Variants in ANKRD11 observed in about 807,000 individuals in gnomAD.
The protein encoded by ANKRD11 is ankyrin repeat domain-containing protein 11.
ANKRD11 carries 17 observed loss-of-function variants against 195.7 expected under a neutral mutation model. The ratio of observed to expected loss-of-function variants is 0.09; its 90% confidence interval spans 0.06 to 0.13. The LOEUF is 0.13. ANKRD11 is among the 10% of genes least tolerant of loss of function. ANKRD11 has a pLI of 1.00. For missense variants in ANKRD11, 3,735 were observed against 3,566.1 expected (o/e 1.05, Z -1.21); for synonymous variants, 1,953 against 1,528.1 (o/e 1.28, Z -6.49).
intron 11 of ANKRD11, 48 bp from the exon 12 acceptor site, chr16:89,270,957 T>C: frequency 3.2e-6 from 5 of 1,586,122 alleles, no homozygotes; most frequent in Non-Finnish European, 4.3e-6. Flanking sequence ...CAGAGACCGC[T>C]ACGGGAAGGC....
At chr16:89,304,209 C>T (rs922428789) in intron 4 of ANKRD11, among the ~76,000 whole-genome samples, 5 of 152,236 alleles carry the variant, frequency 3.3e-5, no homozygotes, top group Non-Finnish European at 7.3e-5. Flanking sequence ...GGGAAGGTGT[C>T]ACTGCAGAAG....
chr16:89,427,205 C>A (rs752462220), intron 1 of ANKRD11, among the ~76,000 whole-genome samples: 8 of 152,116 alleles, frequency 5.3e-5, no homozygotes, highest in African/African-American at 1.9e-4. Flanking sequence ...CAAATTTAAC[C>A]AAAGAAGTGT....
Position 89,291,667 on chromosome 16 carries a change from G to C in ANKRD11, c.227-484C>G. 1 of 1,289,702 alleles carries C rather than the reference G, an allele frequency of 7.8e-7. No homozygotes were observed. Among genetic ancestry groups the C allele is most frequent in the African/African-American group, 1.5e-5 (1 of 65,968 alleles). 79.9% of individuals were successfully genotyped at this position (1,289,702 alleles called of 1,614,324 possible). A position where few individuals can be genotyped will look rare whatever the true frequency, so the allele number is the denominator to read the frequency against. ...ACACATCAGTAAATCAAGGCCAACT[G>C]GTCAGTACTGTACCTTTCTTCTTGC... On this transcript the variant is annotated intron_variant, in intron 4 of 12. Transcript: ENST00000301030. This position sits in a 1 kb window ranked among gnomAD's most constrained non-coding sequence, Gnocchi z 5.3.
At chr16:89,412,503 G>A (rs952826526) in intron 2 of ANKRD11, 2 of 152,314 alleles carry the variant, frequency 1.3e-5, no homozygotes, top group Admixed American at 1.3e-4. Flanking sequence ...CCTTCTGGTG[G>A]CAATGATGTA....
chr16:89,298,908 T>A (rs1465708143), intron 4 of ANKRD11: 1 of 152,248 alleles, frequency 6.6e-6, no homozygotes, highest in East Asian at 1.9e-4. Context: ...ACGTGCTTTT[T>A]CTTGAGTGCC....
chr16:89,281,972 T>A lies in ANKRD11; in HGVS notation c.4570A>T (p.Arg1524Trp). The change falls in exon 9 of 13, where the codon AGG becomes TGG. Residue 1524 changes from arginine (R) to tryptophan (W), a missense_variant. Physicochemically the swap from Arg to Trp is moderately radical, Grantham distance 101 (BLOSUM62 -3). Coordinates refer to ENST00000301030, the MANE Select transcript of ANKRD11 (RefSeq NM_013275.6). The surrounding 1 kb of genome is among the most constrained non-coding windows in gnomAD (Gnocchi z 5.5). ...TCCTTCAGTTTGGCATCGCCGAGCC[T>A]CGGGCCCTCGTCCCTGGACTTGTCT... ...LKDKSRDEGPRLGDAKLKEKF... is the reference protein window; with the variant it reads ...LKDKSRDEGPWLGDAKLKEKF... 6.2e-7 allele frequency: 1 copy of A among 1,612,918 alleles called. No homozygotes were observed. Among genetic ancestry groups the A allele is most frequent in the Non-Finnish European group, 8.5e-7 (1 of 1,180,042 alleles).
At chr16:89,459,729 C>A (rs1321871173) in intron 1 of ANKRD11, among the ~76,000 whole-genome samples, 1 of 151,936 alleles carries the variant, frequency 6.6e-6, no homozygotes, top group African/African-American at 2.4e-5. Context: ...GAAGCCTAGG[C>A]AAGAGGATTT....
intron 1 of ANKRD11, among the ~76,000 whole-genome samples, chr16:89,450,330 A>C (rs1246754006): frequency 2.0e-5 from 3 of 152,208 alleles, no homozygotes; most frequent in African/African-American, 4.8e-5. Context: ...GCAAACAAAA[A>C]CATAAGACTC....
chr16:89,405,460 G>C (rs2041867525), intron 2 of ANKRD11, among the ~76,000 whole-genome samples: 1 of 150,478 alleles, frequency 6.6e-6, no homozygotes. Context: ...AACTAGCTGT[G>C]ACTACAGGCA....
In ANKRD11 at chr16:89,284,129, CTTTTT is replaced by C. The variant is rs886039902; in HGVS notation, c.2408_2412del (p.Lys803ArgfsTer5). 3 of 1,608,664 alleles carry C rather than the reference CTTTTT, an allele frequency of 1.9e-6. No individual in the cohort carries two copies. The highest frequency in any genetic ancestry group is 2.5e-6 in the Non-Finnish European group (3 of 1,178,436). Reference sequence around the variant, plus strand: ...GCAGAATCTTCCCTATAAACCTTTTCTTTTTTGAGTTTTTCTTTATCTTCTTTAAA... The same window carrying C: ...GCAGAATCTTCCCTATAAACCTTTTCTGAGTTTTTCTTTATCTTCTTTAAA... On this transcript the variant is annotated frameshift_variant, in exon 9 of 13. Coordinates refer to ENST00000301030, the MANE Select transcript of ANKRD11 (RefSeq NM_013275.6). LOFTEE classifies it high-confidence loss of function.
chr16:89,379,367 C>CG (rs1455316387), intron 2 of ANKRD11, among the ~76,000 whole-genome samples: 1 of 152,192 alleles, frequency 6.6e-6, no homozygotes, highest in African/African-American at 2.4e-5. Context: ...TACCAGTGAA[C>CG]GGGGCTTTCA....
chr16:89,431,982 TCCC>T (rs775343406), intron 1 of ANKRD11, among the ~76,000 whole-genome samples: 5 of 151,514 alleles, frequency 3.3e-5, no homozygotes, highest in African/African-American at 1.2e-4. Context: ...CATTTCCAGC[TCCC>T]CCCCATCACT....
chr16:89,402,592 G>A (rs948503886), intron 2 of ANKRD11, among the ~76,000 whole-genome samples: 30 of 151,174 alleles, frequency 2.0e-4, no homozygotes, highest in Non-Finnish European at 3.7e-4. Flanking sequence ...TGAGGTGGGA[G>A]GATTGGTTGA....
At chr16:89,406,953 G>C (rs2041930375) in intron 2 of ANKRD11, among the ~76,000 whole-genome samples, 2 of 152,110 alleles carry the variant, frequency 1.3e-5, no homozygotes, top group African/African-American at 4.8e-5. Flanking sequence ...CCAGGGGAAG[G>C]GGGAGCAGAT....
chr16:89,324,423 T>C lies in ANKRD11; in HGVS notation c.-59-7345A>G, dbSNP rs1468348669. 3 of 483,196 alleles carry C rather than the reference T, an allele frequency of 6.2e-6. No individual in the cohort carries two copies. The Admixed American group carries it at 7.0e-5, about 11-fold the overall frequency. 29.9% of individuals were successfully genotyped at this position (483,196 alleles called of 1,614,324 possible). Reference sequence around the variant, plus strand: ...CGTTAGTCATCAAGAAAATGCAAACTAAAACCAAGGTAAGTGTGAGGGTTA... The same window carrying C: ...CGTTAGTCATCAAGAAAATGCAAACCAAAACCAAGGTAAGTGTGAGGGTTA... On this transcript the variant is annotated intron_variant, in intron 2 of 12. Coordinates refer to ENST00000301030, the MANE Select transcript of ANKRD11 (RefSeq NM_013275.6).
intron 1 of ANKRD11, among the ~76,000 whole-genome samples, chr16:89,435,885 T>G (rs2043196969): frequency 6.6e-6 from 1 of 151,846 alleles, no homozygotes; most frequent in South Asian, 2.1e-4. Flanking sequence ...CACTTCAACT[T>G]CTGCATTCAG....
chr16:89,479,836 G>A (rs945493185), intron 1 of ANKRD11, among the ~76,000 whole-genome samples: 4 of 150,600 alleles, frequency 2.7e-5, no homozygotes, highest in South Asian at 2.1e-4. Flanking sequence ...CCAACCACTC[G>A]GGAGGCTGAG....
intron 2 of ANKRD11, among the ~76,000 whole-genome samples, chr16:89,329,148 G>T (rs956354262): frequency 1.3e-5 from 2 of 152,224 alleles, no homozygotes; most frequent in Non-Finnish European, 2.9e-5. Context: ...CTTCCTCCAG[G>T]ACAAAACCAC....
chr16:89,292,856 G>A (rs979657927), intron 4 of ANKRD11, among the ~76,000 whole-genome samples: 1 of 152,242 alleles, frequency 6.6e-6, no homozygotes, highest in Non-Finnish European at 1.5e-5. Context: ...GTGGGTCTCT[G>A]CGTGCGCCCC....
Sources: gnomAD v4.1 joint callset for allele counts (sites outside exome capture counted in the v4.1 genomes callset) on GRCh38, gnomAD v4.1.1 for gene constraint, Gnocchi (gnomAD v3.1) non-coding constraint, MANE v1.5 for transcripts, NCBI Gene and HGNC (gene_info 2026-07-23, HGNC 2026-07-21) for gene names.